The following TTC34 variants were observed in gnomAD, a reference collection of about 807,000 sequenced individuals.
TTC34 encodes the protein tetratricopeptide repeat domain 34.
A neutral mutation model predicts 40.7 loss-of-function variants in TTC34; 44 were observed. The ratio of observed to expected loss-of-function variants is 1.08; its 90% CI spans 0.85 to 1.39. The LOEUF (loss-of-function observed/expected upper bound fraction) is 1.39, where lower values mean the gene tolerates loss of function less well. Ranked by LOEUF, TTC34 falls within the 40% of genes most tolerant of loss-of-function variation. TTC34 has a pLI of 0.00. For synonymous variants in TTC34, 422 were observed against 398.6 expected (o/e 1.06, Z -0.70); for missense variants, 884 against 838.0 (o/e 1.05, Z -0.68).
chr1:2,641,217 G>A, exon 9 of TTC34: 3 of 804,244 alleles, frequency 3.7e-6, no homozygotes, highest in Non-Finnish European at 5.4e-6. Context: ...GGGTTGGGAA[G>A]GGGTGTGTGG....
intron 6 of TTC34, among the ~76,000 whole-genome samples, chr1:2,683,301 G>C (rs1557606268): frequency 1.3e-5 from 2 of 150,246 alleles, no homozygotes; most frequent in African/African-American, 2.5e-5. Flanking sequence ...GCCTGGAACA[G>C]AATCCACACC....
intron 6 of TTC34, among the ~76,000 whole-genome samples, chr1:2,683,387 C>T (rs1237660996): frequency 6.7e-6 from 1 of 148,322 alleles, no homozygotes; most frequent in Non-Finnish European, 1.5e-5. Context: ...GAACAGCACC[C>T]ACACGCCCAG....
chr1:2,795,232 G>A (rs986579980), intron 2 of TTC34, among the ~76,000 whole-genome samples: 1 of 152,214 alleles, frequency 6.6e-6, no homozygotes, highest in East Asian at 1.9e-4. Flanking sequence ...CTGGGAGACA[G>A]AGCAAGACCC....
intron 6 of TTC34, chr1:2,775,192 C>T (rs1192035168): frequency 1.2e-3 from 179 of 149,032 alleles, no homozygotes; most frequent in African/African-American, 4.4e-3. Context: ...CCTGCAACCC[C>T]AGGTGAGCAT....
rs766803198 is a variant in TTC34 at position 2,785,888 on chromosome 1, C to G, written c.1990G>C (p.Gly664Arg). The stretch of plus-strand genomic sequence containing the variant: ...GTGTGAACCCTGCCGTCGGCCCCGC[C>G]TGGCCGTGCCCGCAGGATGGCCAGG... Residue 664 changes from glycine (G) to arginine (R), a missense_variant, in exon 5 of 9, where the codon GGC (glycine) becomes CGC (arginine). By Grantham distance (125) the Gly-to-Arg change is moderately radical. Transcript: ENST00000401095. The G allele has an allele frequency of 3.2e-5, 49 of 1,538,912 alleles. No individual in the cohort carries two copies. The highest frequency in any genetic ancestry group is 8.0e-5 in the Admixed American group (4 of 50,270).
Position 2,796,094 on chromosome 1 carries a change from A to T in TTC34, c.784+3950T>A, listed in dbSNP as rs1459092665. On this transcript the variant is annotated intron_variant, in intron 2 of 8. Coordinates refer to ENST00000401095, the Ensembl canonical transcript of TTC34. The surrounding 1 kb of genome is among the most constrained non-coding windows in gnomAD (Gnocchi z 4.5). ...CTCTTCTGTCTTGTGCCAAGTGAGG[A>T]TGCAGCATTCAAGGCGCCATCTTGG... is the stretch of plus-strand genomic sequence containing the variant. Among the ~76,000 whole-genome samples, 1 of 152,088 alleles carries T rather than the reference A, an allele frequency of 6.6e-6. No homozygotes were observed. Among genetic ancestry groups the T allele is most frequent in the Non-Finnish European group, 1.5e-5 (1 of 68,000 alleles).
intron 6 of TTC34, among the ~76,000 whole-genome samples, chr1:2,681,953 C>T (rs1387568866): frequency 4.9e-5 from 5 of 101,920 alleles, no homozygotes; most frequent in South Asian, 3.5e-4. Context: ...CACCCCAAGG[C>T]GAGCATCTGA....
intron 6 of TTC34, among the ~76,000 whole-genome samples, chr1:2,683,791 C>T (rs1464064372): frequency 4.1e-5 from 6 of 145,126 alleles, no homozygotes; most frequent in Non-Finnish European, 7.5e-5. Context: ...GCAGCACGCA[C>T]ACCCCCAGTT....
exon 9 of TTC34, chr1:2,637,775 T>C (rs1397096468): frequency 6.6e-6 from 1 of 152,206 alleles, no homozygotes; most frequent in Non-Finnish European, 1.5e-5. Flanking sequence ...GCCATGGCCA[T>C]GGAAGAGTCC....
intron 6 of TTC34, among the ~76,000 whole-genome samples, chr1:2,764,513 CA>C (rs1641740955): frequency 6.7e-6 from 1 of 149,500 alleles, no homozygotes; most frequent in Admixed American, 6.7e-5. Flanking sequence ...CCCAGGTGAG[CA>C]TCTGGCAGCC....
At chr1:2,694,939 G>A (rs1446133583) in intron 6 of TTC34, among the ~76,000 whole-genome samples, 2 of 74,358 alleles carry the variant, frequency 2.7e-5, no homozygotes, top group African/African-American at 1.1e-4. Flanking sequence ...ACATCCTTGA[G>A]CAGCACCCAC....
intron 6 of TTC34, among the ~76,000 whole-genome samples, chr1:2,652,376 G>A (rs1639170897): frequency 6.6e-6 from 1 of 151,624 alleles, no homozygotes; most frequent in African/African-American, 2.4e-5. Context: ...CCCCAGGTGA[G>A]CATCTGACAG....
exon 3 of TTC34, chr1:2,789,558 T>C (rs1327891586): frequency 5.4e-6 from 8 of 1,490,146 alleles, no homozygotes; most frequent in Middle Eastern, 1.7e-4. Context: ...CCCTGCGCTC[T>C]GGACGGCCCG....
At chr1:2,642,854 G>A (rs1638935538) in intron 8 of TTC34, among the ~76,000 whole-genome samples, 3 of 152,222 alleles carry the variant, frequency 2.0e-5, no homozygotes, top group Admixed American at 1.3e-4. Flanking sequence ...CCACGGCCCC[G>A]GCTTTGCTGC....
At chr1:2,644,299 G>A (rs1191884736) in exon 8 of TTC34, 3 of 1,535,412 alleles carry the variant, frequency 2.0e-6, no homozygotes. Context: ...GCCTCCAGGA[G>A]ATGCAGCAGG....
At chr1:2,639,358 G>A (rs1400900461) in exon 9 of TTC34, 1 of 152,380 alleles carries the variant, frequency 6.6e-6, no homozygotes, top group Non-Finnish European at 1.5e-5. Context: ...GGATGGGGCA[G>A]GACATCCCAG....
intron 6 of TTC34, among the ~76,000 whole-genome samples, chr1:2,768,333 GT>G (rs1337063512): frequency 2.6e-5 from 4 of 152,052 alleles, no homozygotes; most frequent in African/African-American, 9.7e-5. Context: ...GGTGTTCCGG[GT>G]TATCAGATGC....
At chr1:2,699,229 CCGCCCGGAGCAG>C in intron 6 of TTC34, among the ~76,000 whole-genome samples, 1 of 142,850 alleles carries the variant, frequency 7.0e-6, no homozygotes, top group Non-Finnish European at 1.6e-5. Context: ...GAGCATCTGA[CCGCCCGGAGCAG>C]CACCCATACC....
chr1:2,783,889 G>T, intron 5 of TTC34, 114 bp from the exon 6 acceptor site: 1 of 1,053,228 alleles, frequency 9.5e-7, no homozygotes, highest in South Asian at 2.7e-5. Flanking sequence ...GCCTACCTTG[G>T]GGAGCTCACA....
Sources: gnomAD v4.1 joint callset for allele counts (sites outside exome capture counted in the v4.1 genomes callset) on GRCh38, gnomAD v4.1.1 for gene constraint, Gnocchi (gnomAD v3.1) non-coding constraint, MANE v1.5 for transcripts, NCBI Gene and HGNC (gene_info 2026-07-23, HGNC 2026-07-21) for gene names.